The following CASP6 variants were observed in gnomAD, a reference collection of about 807,000 sequenced individuals.
CASP6 encodes the protein caspase 6.
In CASP6, 20 loss-of-function variants were observed where a neutral mutation model predicts 31.8. That is an observed-to-expected ratio of 0.63 (90% CI 0.44 to 0.91). CASP6 has a LOEUF of 0.91. Among genes scored for constraint, CASP6 ranks in the 40% least tolerant of loss-of-function variants. The pLI is 0.00. For synonymous variants in CASP6, 130 were observed against 127.8 expected (o/e 1.02, Z -0.12); for missense variants, 328 against 361.1 (o/e 0.91, Z 0.74).
At chr4:109,673,203 C>G in the CASP6 span, among the ~76,000 whole-genome samples, 2 of 152,164 alleles carry the variant, frequency 1.3e-5, no homozygotes, top group Non-Finnish European at 2.9e-5. Flanking sequence ...TCCTAACACC[C>G]TGGAAGGTCT....
At chr4:109,701,748 G>A (rs1730426913) in intron 1 of CASP6, among the ~76,000 whole-genome samples, 1 of 152,084 alleles carries the variant, frequency 6.6e-6, no homozygotes, top group Non-Finnish European at 1.5e-5. Context: ...TTTGTTGATG[G>A]CCTGATGCCT....
the CASP6 span, among the ~76,000 whole-genome samples, chr4:109,681,253 G>T: frequency 6.6e-6 from 1 of 152,134 alleles, no homozygotes; most frequent in African/African-American, 2.4e-5. Flanking sequence ...TTTTAGAGTT[G>T]TGACAAGTCA....
At chr4:109,684,297 C>T (rs569182372), downstream of CASP6, 820 of 567,708 alleles carry the variant, frequency 1.4e-3, 14 homozygotes, top group East Asian at 0.025. Flanking sequence ...CTCCTGACCT[C>T]GTGATCCGCC....
chr4:109,689,886 T>C (rs1729981465), intron 6 of CASP6, among the ~76,000 whole-genome samples: 1 of 152,076 alleles, frequency 6.6e-6, no homozygotes, highest in South Asian at 2.1e-4. Context: ...CAAAGAACCA[T>C]TATCAAAATA....
intron 6 of CASP6, 34 bp from the exon 7 acceptor site, chr4:109,689,602 T>C (rs1729969476): frequency 6.3e-7 from 1 of 1,583,726 alleles, no homozygotes; most frequent in African/African-American, 1.3e-5. Context: ...TTGCTGCAGT[T>C]TTCTGGCTTT....
chr4:109,704,861 G>T (rs766424729), upstream of CASP6, among the ~76,000 whole-genome samples: 17 of 152,106 alleles, frequency 1.1e-4, no homozygotes, highest in Non-Finnish European at 1.6e-4. Context: ...GTGCCACCAT[G>T]TCCAGGTTAA....
the CASP6 span, among the ~76,000 whole-genome samples, chr4:109,679,593 G>A: frequency 6.6e-6 from 1 of 152,212 alleles, no homozygotes. Flanking sequence ...GTACAGTCCA[G>A]CCTCGGCAAG....
downstream of CASP6, among the ~76,000 whole-genome samples, chr4:109,686,052 CT>C (rs1402876418): frequency 1.3e-5 from 2 of 152,156 alleles, no homozygotes; most frequent in African/African-American, 2.4e-5. Context: ...GTAATCAAAC[CT>C]TTTGTTATGT....
the CASP6 span, among the ~76,000 whole-genome samples, chr4:109,666,442 C>G: frequency 0.025 from 3,823 of 152,288 alleles, 144 homozygotes; most frequent in African/African-American, 0.088. Flanking sequence ...CCTGTTGCCC[C>G]ATATCCTTGC....
downstream of CASP6, chr4:109,687,506 C>T: frequency 6.2e-7 from 1 of 1,601,256 alleles, no homozygotes; most frequent in East Asian, 2.2e-5. Flanking sequence ...TTTCTTTTTC[C>T]CATGACAGGC....
the CASP6 span, among the ~76,000 whole-genome samples, chr4:109,679,858 G>A: frequency 0.011 from 1,658 of 152,220 alleles, 36 homozygotes; most frequent in African/African-American, 0.037. Flanking sequence ...CTGGAGTGCA[G>A]TGGTGCAATC....
At chr4:109,675,712 G>C in the CASP6 span, among the ~76,000 whole-genome samples, 4 of 152,196 alleles carry the variant, frequency 2.6e-5, no homozygotes, top group Admixed American at 2.6e-4. Context: ...GGCTCATGGG[G>C]GCACTGCCCT....
chr4:109,674,706 A>T, the CASP6 span, among the ~76,000 whole-genome samples: 3 of 152,266 alleles, frequency 2.0e-5, no homozygotes, highest in African/African-American at 7.2e-5. Flanking sequence ...AATTGTAAAC[A>T]TGAGAATAAC....
chr4:109,674,716 C>T, the CASP6 span, among the ~76,000 whole-genome samples: 775 of 152,272 alleles, frequency 5.1e-3, 3 homozygotes, highest in African/African-American at 0.018. Context: ...ATGAGAATAA[C>T]TTAAGGATTC....
chr4:109,684,058 CTCTTT>C (rs1369893400), downstream of CASP6, among the ~76,000 whole-genome samples: 1,120 of 147,992 alleles, frequency 7.6e-3, 10 homozygotes, highest in African/African-American at 0.027. Flanking sequence ...TCAAGAGTTC[CTCTTT>C]TCTTTTTTTT....
intron 3 of CASP6, among the ~76,000 whole-genome samples, 200 bp downstream of exon 3, chr4:109,697,422 G>A (rs1029363158): frequency 1.3e-5 from 2 of 151,854 alleles, no homozygotes; most frequent in Non-Finnish European, 2.9e-5. Context: ...CCGCCACCAT[G>A]CCCAGCTAAT....
At chr4:109,695,671 G>A (rs994292994) in intron 4 of CASP6, among the ~76,000 whole-genome samples, 4 of 151,404 alleles carry the variant, frequency 2.6e-5, no homozygotes, top group Non-Finnish European at 5.9e-5. Context: ...AACCCAGGAG[G>A]TGGAGGCTGC....
the CASP6 span, among the ~76,000 whole-genome samples, chr4:109,665,639 G>A: frequency 2.0e-5 from 3 of 152,066 alleles, no homozygotes; most frequent in Non-Finnish European, 4.4e-5. Context: ...GTAAATGGTT[G>A]TTATACTATA....
the CASP6 span, among the ~76,000 whole-genome samples, chr4:109,667,114 G>A: frequency 2.0e-4 from 30 of 152,204 alleles, no homozygotes; most frequent in Admixed American, 9.2e-4. Flanking sequence ...AATGAGTTAG[G>A]AAGTATTCCC....
Sources: gnomAD v4.1 joint callset for allele counts (sites outside exome capture counted in the v4.1 genomes callset) on GRCh38, gnomAD v4.1.1 for gene constraint, MANE v1.5 for transcripts, NCBI Gene and HGNC (gene_info 2026-07-23, HGNC 2026-07-21) for gene names.